ARID1B: variants seen among roughly 807,000 people sequenced by gnomAD.
The protein encoded by ARID1B is AT-rich interaction domain 1B.
Under a neutral mutation model 212.3 loss-of-function variants are expected in ARID1B, and 30 were observed. The observed-to-expected ratio is 0.14, with a 90% CI of 0.11 to 0.19. The LOEUF (loss-of-function observed/expected upper bound fraction) is 0.19. Ranked by LOEUF, ARID1B falls within the 10% of genes least tolerant of loss-of-function variation. The pLI, the probability that ARID1B is intolerant of heterozygous loss-of-function variation, is 1.00. For missense variants in ARID1B, 2,891 were observed against 3,204.0 expected (o/e 0.90, Z 2.36); for synonymous variants, 1,402 against 1,301.7 (o/e 1.08, Z -1.66).
chr6:156,915,445 G>A (rs1029929817), intron 3 of ARID1B, among the ~76,000 whole-genome samples: 3 of 151,826 alleles, frequency 2.0e-5, no homozygotes, highest in African/African-American at 4.8e-5. Context: ...GCGCATGCCT[G>A]TAGTCTCAGC....
intron 1 of ARID1B, among the ~76,000 whole-genome samples, chr6:156,824,721 T>C (rs12190879): frequency 0.66 from 100,769 of 151,838 alleles, 34,063 homozygotes; most frequent in African/African-American, 0.77. Flanking sequence ...GCTGAGATTG[T>C]GCCACTGCAC....
At chr6:157,113,681 G>A (rs1372355308) in intron 6 of ARID1B, among the ~76,000 whole-genome samples, 1 of 152,116 alleles carries the variant, frequency 6.6e-6, no homozygotes, top group East Asian at 1.9e-4. Context: ...ATTTGGGTGG[G>A]GACACAGTTC....
chr6:156,782,977 GT>G (rs529473675), intron 1 of ARID1B, among the ~76,000 whole-genome samples: 76 of 145,088 alleles, frequency 5.2e-4, no homozygotes, highest in Middle Eastern at 3.7e-3. Flanking sequence ...TATTTTGGTA[GT>G]TTTTTTTTTT....
intron 1 of ARID1B, among the ~76,000 whole-genome samples, chr6:156,815,363 C>T (rs934899973): frequency 6.6e-6 from 1 of 152,170 alleles, no homozygotes; most frequent in African/African-American, 2.4e-5. Flanking sequence ...TATATTAATT[C>T]ACTTAGCAGA....
intron 6 of ARID1B, among the ~76,000 whole-genome samples, chr6:157,131,194 GC>G (rs1381943662): frequency 2.0e-5 from 3 of 152,180 alleles, no homozygotes; most frequent in African/African-American, 7.2e-5. Context: ...TTTTTAAAAA[GC>G]AATAGTTTTG....
intron 4 of ARID1B, among the ~76,000 whole-genome samples, chr6:157,078,703 A>T (rs1055689250): frequency 1.3e-5 from 2 of 152,188 alleles, no homozygotes; most frequent in Admixed American, 6.5e-5. Context: ...TTTATTTTAG[A>T]TGCTGATTTT....
At chr6:156,857,681 G>A (rs983813195) in intron 2 of ARID1B, among the ~76,000 whole-genome samples, 2 of 152,242 alleles carry the variant, frequency 1.3e-5, no homozygotes, top group African/African-American at 4.8e-5. Context: ...TGGTATAGTA[G>A]TCAGTTTTGC....
At chr6:157,102,417 T>C (rs1250268755) in intron 5 of ARID1B, among the ~76,000 whole-genome samples, 1 of 152,182 alleles carries the variant, frequency 6.6e-6, no homozygotes, top group Admixed American at 6.5e-5. Context: ...CTGCATTAAG[T>C]GCTAAGGAAC....
intron 1 of ARID1B, among the ~76,000 whole-genome samples, chr6:156,792,027 G>A (rs181961946): frequency 3.3e-5 from 5 of 152,208 alleles, no homozygotes; most frequent in Admixed American, 3.3e-4. Flanking sequence ...TAAAAAAAAG[G>A]AGAGATGAAT....
At chr6:157,165,368 G>T (rs146195063) in intron 8 of ARID1B, among the ~76,000 whole-genome samples, 2 of 152,266 alleles carry the variant, frequency 1.3e-5, no homozygotes, top group African/African-American at 4.8e-5. Flanking sequence ...GCTTCTAACA[G>T]TGTTCTTTCC....
At chr6:157,029,806 G>T (rs1306438803) in intron 4 of ARID1B, among the ~76,000 whole-genome samples, 3 of 152,172 alleles carry the variant, frequency 2.0e-5, no homozygotes, top group African/African-American at 7.2e-5. Context: ...GGAGCCACGT[G>T]GTTTAGCTTC....
intron 8 of ARID1B, among the ~76,000 whole-genome samples, chr6:157,164,414 A>C (rs1049741530): frequency 1.3e-5 from 2 of 152,192 alleles, no homozygotes; most frequent in African/African-American, 2.4e-5. Context: ...TGATTACTTC[A>C]TTCAGTCATT....
chr6:156,871,627 C>A, intron 2 of ARID1B: 2 of 1,612,566 alleles, frequency 1.2e-6, no homozygotes, highest in South Asian at 1.1e-5. Flanking sequence ...TCTGGAGATG[C>A]CACATGGAAA....
rs144023233 is a variant in ARID1B, at chr6:157,188,417, A to G, written c.3920-1225A>G. Among the ~76,000 whole-genome samples the G allele has an allele frequency of 6.0e-4, 91 of 152,324 alleles. No homozygotes were observed. In the East Asian group the frequency reaches 0.014, roughly 24 times the overall value. ...TCTGTCTAGCTGAGGCTTTCCGAGT[A>G]GAAATAATGTACTCATTTTGATTTC... On this transcript the variant is annotated intron_variant, in intron 13 of 19. Transcript: ENST00000636930.
chr6:157,110,329 A>G, intron 5 of ARID1B, 143 bp from the exon 6 acceptor site: 1 of 665,722 alleles, frequency 1.5e-6, no homozygotes. Flanking sequence ...ATGAACTATT[A>G]CACTCTGAGC....
At chr6:156,965,439 C>T (rs1021895857) in intron 4 of ARID1B, among the ~76,000 whole-genome samples, 4 of 152,178 alleles carry the variant, frequency 2.6e-5, no homozygotes, top group South Asian at 4.1e-4. Flanking sequence ...ATGGGTGTCA[C>T]TTAAGAAAAG....
intron 4 of ARID1B, among the ~76,000 whole-genome samples, chr6:157,034,503 T>G (rs1440444340): frequency 6.6e-6 from 1 of 152,244 alleles, no homozygotes; most frequent in African/African-American, 2.4e-5. Flanking sequence ...GGTGGTTTTG[T>G]CTTATGAAAT....
intron 2 of ARID1B, among the ~76,000 whole-genome samples, chr6:156,897,396 C>T (rs1788567608): frequency 6.6e-6 from 1 of 151,514 alleles, no homozygotes; most frequent in East Asian, 1.9e-4. Flanking sequence ...GCCTCAGCCT[C>T]CCTAGTAGCT....
chr6:156,871,130 C>T (rs549196921), intron 2 of ARID1B, among the ~76,000 whole-genome samples: 2 of 152,286 alleles, frequency 1.3e-5, no homozygotes, highest in Admixed American at 6.5e-5. Context: ...CTGCTGTCAT[C>T]GTTTCTCCTT....
Sources: gnomAD v4.1 joint callset for allele counts (sites outside exome capture counted in the v4.1 genomes callset) on GRCh38, gnomAD v4.1.1 for gene constraint, MANE v1.5 for transcripts, NCBI Gene and HGNC (gene_info 2026-07-23, HGNC 2026-07-21) for gene names.